Variants in BACH2 observed in about 807,000 individuals in gnomAD.
BACH2 encodes the protein BACH transcriptional regulator 2, also known as transcription regulator protein BACH2.
Under a neutral mutation model 61.8 loss-of-function variants are expected in BACH2, and 5 were observed. That is an observed-to-expected ratio of 0.08 (90% CI 0.04 to 0.17). The LOEUF is 0.17. Among genes scored for constraint, BACH2 ranks in the 10% least tolerant of loss-of-function variants. The pLI, the probability that BACH2 is intolerant of heterozygous loss-of-function variation, is 1.00. For synonymous variants in BACH2, 446 were observed against 440.1 expected, an observed-to-expected ratio of 1.01 and a Z score of -0.17; for missense variants, 824 against 1,091.1, an observed-to-expected ratio of 0.76 and a Z score of 3.45.
chr6:90,047,631 C>T (rs906574633), intron 5 of BACH2, among the ~76,000 whole-genome samples: 2 of 152,148 alleles, frequency 1.3e-5, no homozygotes, highest in Non-Finnish European at 2.9e-5. Context: ...AATAACCCAT[C>T]CTGACGTTCC....
At chr6:90,294,371 T>C in intron 1 of BACH2, among the ~76,000 whole-genome samples, 1 of 152,344 alleles carries the variant, frequency 6.6e-6, no homozygotes, top group East Asian at 1.9e-4. Flanking sequence ...TTTCTGGGAC[T>C]TCGCTCTATT....
At chr6:90,113,505 T>C in intron 4 of BACH2, among the ~76,000 whole-genome samples, 1 of 152,038 alleles carries the variant, frequency 6.6e-6, no homozygotes. Context: ...GGGTAAATAA[T>C]GAAATGAAGG....
intron 5 of BACH2, among the ~76,000 whole-genome samples, chr6:90,051,357 G>GC: frequency 1.3e-5 from 2 of 152,190 alleles, no homozygotes; most frequent in South Asian, 2.1e-4. Flanking sequence ...CAGTCTTACT[G>GC]TTAGTACAGG....
chr6:89,951,693 T>A lies in BACH2; in HGVS notation c.413A>T (p.Asp138Val). ...ATCCTTCCGGCACACAAACAGGCCA[T>A]CCTCACTGTTCAGGAGCTGGGTCTG... ...FLQTQLLNSE[D>V]GLFVCRKDAA... Residue 138 changes from aspartate to valine, a missense_variant, in exon 7 of 9, where the codon GAT becomes GTT. By Grantham distance (152) the Asp-to-Val change is radical. Around this residue, in one of 8 missense-constraint regions of BACH2, gnomAD observed 107 missense variants for 121.7 expected, o/e 0.88. Transcript: ENST00000257749. This position sits in a 1 kb window ranked among gnomAD's most constrained non-coding sequence, Gnocchi z 6.4. The A allele has an allele frequency of 6.2e-7, 1 of 1,614,210 alleles. No homozygotes were observed. The highest frequency in any genetic ancestry group is 8.5e-7 in the Non-Finnish European group (1 of 1,180,030).
intron 3 of BACH2, among the ~76,000 whole-genome samples, chr6:90,232,755 T>C (rs1258118778): frequency 3.9e-5 from 6 of 152,202 alleles, no homozygotes; most frequent in Non-Finnish European, 8.8e-5. Flanking sequence ...TTGATTCCCA[T>C]GACACTTCTC....
chr6:89,974,506 G>A (rs1030544732), intron 6 of BACH2, among the ~76,000 whole-genome samples: 4 of 152,106 alleles, frequency 2.6e-5, no homozygotes, highest in African/African-American at 4.8e-5. Flanking sequence ...AAGGTTTTAC[G>A]ATTCCCCATA....
intron 4 of BACH2, among the ~76,000 whole-genome samples, chr6:90,182,785 T>A (rs989748075): frequency 2.6e-5 from 4 of 152,188 alleles, no homozygotes; most frequent in Non-Finnish European, 4.4e-5. Context: ...GGAAAGAGGC[T>A]ACACCTCACA....
At chr6:90,014,777 T>A (rs1582199766) in intron 5 of BACH2, among the ~76,000 whole-genome samples, 1 of 151,494 alleles carries the variant, frequency 6.6e-6, no homozygotes, top group Non-Finnish European at 1.5e-5. Flanking sequence ...CTGGCCTTTT[T>A]ATTTTTTTTA....
At chr6:89,959,205 T>A (rs1329270448) in intron 6 of BACH2, among the ~76,000 whole-genome samples, 2 of 151,422 alleles carry the variant, frequency 1.3e-5, no homozygotes, top group East Asian at 3.9e-4. Context: ...GGTGATGGCA[T>A]CCCAGGGTGG....
chr6:90,277,803 G>T (rs1003089219), intron 1 of BACH2, among the ~76,000 whole-genome samples: 3 of 152,154 alleles, frequency 2.0e-5, no homozygotes, highest in Non-Finnish European at 4.4e-5. Flanking sequence ...CTGGCTTCCA[G>T]TTCTATAAAA....
chr6:90,039,326 T>A (rs1044446339), intron 5 of BACH2, among the ~76,000 whole-genome samples: 2 of 152,216 alleles, frequency 1.3e-5, no homozygotes, highest in Non-Finnish European at 2.9e-5. Flanking sequence ...GTAGTTTTGA[T>A]ACTGCCAAAT....
intron 4 of BACH2, among the ~76,000 whole-genome samples, chr6:90,205,043 G>A (rs1769094399): frequency 6.6e-6 from 1 of 152,206 alleles, no homozygotes; most frequent in Admixed American, 6.5e-5. Flanking sequence ...GGGAAAGAGG[G>A]TAAGTGCACA....
chr6:90,225,312 G>A (rs1241898280), intron 3 of BACH2, among the ~76,000 whole-genome samples: 2 of 152,064 alleles, frequency 1.3e-5, no homozygotes, highest in African/African-American at 2.4e-5. Context: ...GCCCAGGCCC[G>A]GGAGTTCGAG....
chr6:90,084,829 A>G (rs2127806125), intron 5 of BACH2, among the ~76,000 whole-genome samples: 1 of 152,200 alleles, frequency 6.6e-6, no homozygotes, highest in East Asian at 1.9e-4. Flanking sequence ...TTAAGGAGAT[A>G]GTAGGATAAT....
chr6:90,073,641 G>C (rs192066243), intron 5 of BACH2, among the ~76,000 whole-genome samples: 2 of 152,078 alleles, frequency 1.3e-5, no homozygotes, highest in African/African-American at 2.4e-5. Flanking sequence ...CAATTTTAAG[G>C]TGCTGCCAGA....
At chr6:90,279,743 A>G (rs1771803691) in intron 1 of BACH2, among the ~76,000 whole-genome samples, 1 of 152,202 alleles carries the variant, frequency 6.6e-6, no homozygotes, top group Non-Finnish European at 1.5e-5. Context: ...CATTTTTACT[A>G]TACAGTAAAG....
intron 4 of BACH2, among the ~76,000 whole-genome samples, chr6:90,110,887 T>G (rs1783138269): frequency 6.6e-6 from 1 of 152,180 alleles, no homozygotes; most frequent in Non-Finnish European, 1.5e-5. Flanking sequence ...TCCTTCCCAT[T>G]TTGTCACACA....
chr6:89,992,418 A>T (rs547200506), intron 6 of BACH2, among the ~76,000 whole-genome samples: 25 of 151,468 alleles, frequency 1.7e-4, no homozygotes, highest in African/African-American at 6.1e-4. Context: ...AGGCGGGTGG[A>T]TCCCCTGAGG....
At chr6:90,147,081 A>G (rs1784646669) in intron 4 of BACH2, among the ~76,000 whole-genome samples, 2 of 152,336 alleles carry the variant, frequency 1.3e-5, no homozygotes, top group Middle Eastern at 3.4e-3. Context: ...AACCCAGCAA[A>G]AAGAGGAAGT....
Sources: gnomAD v4.1 joint callset for allele counts (sites outside exome capture counted in the v4.1 genomes callset) on GRCh38, gnomAD v4.1.1 for gene constraint, gnomAD v4.1.1 regional missense constraint, Gnocchi (gnomAD v3.1) non-coding constraint, MANE v1.5 for transcripts, NCBI Gene and HGNC (gene_info 2026-07-23, HGNC 2026-07-21) for gene names.